SP2: variants seen among roughly 807,000 people sequenced by gnomAD.
SP2 encodes transcription factor Sp2.
A neutral mutation model predicts 50.1 loss-of-function variants in SP2; 9 were observed. The observed-to-expected ratio is 0.18, with a 90% CI of 0.11 to 0.31. The LOEUF is 0.31. SP2 is among the 10% of genes least tolerant of loss of function. The probability of loss-of-function intolerance (pLI) is 1.00; values close to 1 mark genes in which losing one functional copy is unlikely to be tolerated. For missense variants in SP2, 581 were observed against 806.5 expected, an observed-to-expected ratio of 0.72 and a Z score of 3.39; for synonymous variants, 313 against 326.6, an observed-to-expected ratio of 0.96 and a Z score of 0.45.
chr17:47,927,675 C>G lies in SP2; in HGVS notation c.1742-49C>G, dbSNP rs112136847. On this transcript the variant is annotated intron_variant, in intron 6 of 6. Coordinates refer to ENST00000376741, the MANE Select transcript of SP2 (RefSeq NM_003110.6). ...CGCACCCCACCTTTTTGGGCAGAGA[C>G]AGGGTCTGTGCACAGGGTCTGTGGG... The G allele has an allele frequency of 2.1e-4, 285 of 1,332,298 alleles. 1 individual carries two copies. In the African/African-American group the frequency reaches 4.0e-3, roughly 19 times the overall value. 82.5% of individuals were successfully genotyped at this position (1,332,298 alleles called of 1,614,324 possible).
At chr17:47,903,570 G>A (rs923648318) in intron 1 of SP2, among the ~76,000 whole-genome samples, 1 of 152,142 alleles carries the variant, frequency 6.6e-6, no homozygotes, top group Non-Finnish European at 1.5e-5. Context: ...GGGAGGCTGA[G>A]GCAGCAGAAT....
intron 1 of SP2, among the ~76,000 whole-genome samples, chr17:47,910,728 G>T (rs965541788): frequency 6.6e-6 from 1 of 152,188 alleles, no homozygotes. Flanking sequence ...TAGCGTGTCA[G>T]TCAGAGTAAT....
intron 1 of SP2, 145 bp downstream of exon 1, chr17:47,896,438 G>A (rs1369084334): frequency 3.2e-6 from 2 of 617,742 alleles, no homozygotes; most frequent in African/African-American, 1.9e-5. Flanking sequence ...GGAGGGGCGG[G>A]GGAGGGAGGA....
chr17:47,907,915 C>T (rs2034828098), intron 1 of SP2, among the ~76,000 whole-genome samples: 1 of 152,190 alleles, frequency 6.6e-6, no homozygotes, highest in Non-Finnish European at 1.5e-5. Flanking sequence ...AACCACTTTT[C>T]ATTTCCAAAC....
At position 47,900,895 on chromosome 17, in the gene SP2, T is replaced by C. The variant is rs1388147750; in HGVS notation, c.7+4602T>C. Among the ~76,000 whole-genome samples the C allele has an allele frequency of 2.0e-5, 3 of 152,210 alleles. No homozygotes were observed. The East Asian group carries it at 5.8e-4, about 29-fold the overall frequency. On this transcript the variant is annotated intron_variant, in intron 1 of 6. Coordinates refer to ENST00000376741, the MANE Select transcript of SP2 (RefSeq NM_003110.6). ...GAAAAAGTATATCTTGCTTCTTTTTTTTCTCCTGTTCTCTAAAATTCTGAG... is the reference window on the plus strand; with the variant it reads ...GAAAAAGTATATCTTGCTTCTTTTTCTTCTCCTGTTCTCTAAAATTCTGAG...
chr17:47,919,886 T>C (rs142592709), intron 3 of SP2, among the ~76,000 whole-genome samples: 124 of 136,608 alleles, frequency 9.1e-4, no homozygotes, highest in Non-Finnish European at 1.7e-3. Flanking sequence ...GTCACCAGGC[T>C]GGAGTGCAGT....
At chr17:47,917,747 G>T (rs1333144962) in intron 3 of SP2, 3 of 440,622 alleles carry the variant, frequency 6.8e-6, no homozygotes, top group African/African-American at 6.2e-5. Context: ...GAGTAGCCAG[G>T]ACTACAGGTG....
intron 1 of SP2, among the ~76,000 whole-genome samples, chr17:47,910,905 G>A (rs2143884188): frequency 6.6e-6 from 1 of 152,312 alleles, no homozygotes; most frequent in South Asian, 2.1e-4. Flanking sequence ...CAGTTACCTG[G>A]TGATCTATGG....
intron 1 of SP2, among the ~76,000 whole-genome samples, chr17:47,900,897 T>C (rs1029817619): frequency 5.9e-5 from 9 of 152,194 alleles, no homozygotes; most frequent in Non-Finnish European, 1.2e-4. Flanking sequence ...TTCTTTTTTT[T>C]CTCCTGTTCT....
chr17:47,915,263 G>C (rs374917367), intron 1 of SP2, 49 bp from the exon 2 acceptor site: 2 of 1,331,820 alleles, frequency 1.5e-6, no homozygotes, highest in East Asian at 4.9e-5. Context: ...GTGGGCTTGC[G>C]TTCTTTTTGG....
chr17:47,930,648 G>A (rs1025548326), downstream of SP2, among the ~76,000 whole-genome samples: 2 of 152,180 alleles, frequency 1.3e-5, no homozygotes, highest in African/African-American at 2.4e-5. Context: ...CATTATTTGA[G>A]AGTTGCAGGG....
Position 47,925,905 on chromosome 17 carries a change from CTTTTTTTTTTTTTTTTT to C in SP2, c.1741+376_1741+392del, listed in dbSNP as rs71141942. On this transcript the variant is annotated intron_variant, in intron 6 of 6. Coordinates refer to ENST00000376741, the MANE Select transcript of SP2 (RefSeq NM_003110.6). ...TTATGGGAAGATACTTTGTTTATGC[CTTTTTTTTTTTTTTTTT>C]TTTTTTTTTTTGGAGATGGAGTTTC... is the stretch of plus-strand genomic sequence containing the variant. Among the ~76,000 whole-genome samples the C allele has an allele frequency of 3.8e-4, 32 of 84,448 alleles. 2 individuals carry two copies. The highest frequency in any genetic ancestry group is 9.1e-4 in the South Asian group (2 of 2,204). 55.4% of individuals were successfully genotyped at this position (84,448 alleles called of 152,430 possible). A position where few individuals can be genotyped will look rare whatever the true frequency, so the allele number is the denominator to read the frequency against.
Position 47,915,318 on chromosome 17 carries a change from A to C in SP2, c.14A>C (p.Gln5Pro). Residue 5 changes from glutamine (Q) to proline (P), a missense_variant, in exon 2 of 7, where the codon CAG becomes CCG. Transcript: ENST00000376741. ...ATCTCTTTTCTTCCAACAGATCCAC[A>C]GACCAGCATGGCTGCCACTGCTGCT... MSDP[Q>P]TSMAATAAVS... 6.2e-7 allele frequency: 1 copy of C among 1,610,902 alleles called. No individual in the cohort carries two copies. The highest frequency in any genetic ancestry group is 8.5e-7 in the Non-Finnish European group (1 of 1,178,108).
intron 1 of SP2, among the ~76,000 whole-genome samples, chr17:47,904,258 G>T (rs561002234): frequency 8.1e-6 from 1 of 123,856 alleles, no homozygotes; most frequent in South Asian, 2.7e-4. Context: ...GTGAGACTCT[G>T]TCCCAAAAAA....
chr17:47,917,011 G>T lies in SP2; in HGVS notation c.940G>T (p.Val314Leu). ...VPPKAEQQQV[V>L]QIPQQALRVV... ...CCCCAAGGCCGAGCAGCAGCAGGTG[G>T]TACAGATCCCCCAGCAGGCTCTGCG... The change falls in exon 3 of 7, where the codon GTA becomes TTA. Residue 314 changes from valine to leucine, a missense_variant. By Grantham distance (32) the Val-to-Leu change is conservative. Transcript: ENST00000376741. 6.2e-7 allele frequency: 1 copy of T among 1,614,190 alleles called. No homozygotes were observed. Among genetic ancestry groups the T allele is most frequent in the Non-Finnish European group, 8.5e-7 (1 of 1,180,038 alleles).
chr17:47,921,635 C>T (rs376116517), intron 3 of SP2, among the ~76,000 whole-genome samples: 34 of 152,318 alleles, frequency 2.2e-4, no homozygotes, highest in African/African-American at 7.9e-4. Context: ...AGTGGGTGCC[C>T]CTTTAAGCTG....
rs189050957 is a variant in SP2, at chr17:47,899,426, A to G, written c.7+3133A>G. The G allele has an allele frequency of 2.8e-4, 42 of 152,306 alleles. 1 individual carries two copies. The highest frequency in any genetic ancestry group is 7.9e-4 in the African/African-American group (33 of 41,540). 9.4% of individuals were successfully genotyped at this position (152,306 alleles called of 1,614,324 possible). A position where few individuals can be genotyped will look rare whatever the true frequency, so the allele number is the denominator to read the frequency against. ...GTCTCAAAACTCCTGGCCTCAAGCA[A>G]TCCTCCCACCTCAGCCTCCCAAAGT... is the stretch of plus-strand genomic sequence containing the variant. On this transcript the variant is annotated intron_variant, in intron 1 of 6. Transcript: ENST00000376741.
intron 1 of SP2, among the ~76,000 whole-genome samples, chr17:47,902,848 CG>C (rs1199546042): frequency 1.3e-5 from 2 of 152,168 alleles, no homozygotes; most frequent in Non-Finnish European, 1.5e-5. Flanking sequence ...CTCCACCTCC[CG>C]GGTTCAAGCG....
intron 1 of SP2, among the ~76,000 whole-genome samples, chr17:47,912,108 A>G (rs566125808): frequency 1.3e-5 from 2 of 152,302 alleles, no homozygotes; most frequent in African/African-American, 4.8e-5. Flanking sequence ...AACCCTACAA[A>G]AAAGAAACAG....
Sources: gnomAD v4.1 joint callset for allele counts (sites outside exome capture counted in the v4.1 genomes callset) on GRCh38, gnomAD v4.1.1 for gene constraint, MANE v1.5 for transcripts, NCBI Gene and HGNC (gene_info 2026-07-23, HGNC 2026-07-21) for gene names.